Variants in MEIOB observed in about 807,000 individuals in gnomAD.
The protein encoded by MEIOB is meiosis-specific with OB domain-containing protein.
A neutral mutation model predicts 53.1 loss-of-function variants in MEIOB; 50 were observed. That is an observed-to-expected ratio of 0.94 (90% CI 0.75 to 1.19). MEIOB has a LOEUF of 1.19. Ranked by LOEUF, MEIOB falls within the 50% of genes most tolerant of loss-of-function variation. The pLI is 0.00. For synonymous variants in MEIOB, 192 were observed against 182.5 expected, an observed-to-expected ratio of 1.05 and a Z score of -0.42; for missense variants, 551 against 550.8, an observed-to-expected ratio of 1.00 and a Z score of 0.00.
In MEIOB at chr16:1,862,020, T is replaced by C; in HGVS notation, c.224A>G (p.Lys75Arg). ...AASWGNEDYI[K>R]SLSDSFRVGD... ...AACCCTAAAGCTGTCAGAAAGAGAC[T>C]TGATGTAATCTTCATTGCCCCAGGA... The change falls in exon 4 of 14, where the codon AAG becomes AGG. Residue 75 changes from lysine (K) to arginine (R), a missense_variant. Transcript: ENST00000325962. The C allele has an allele frequency of 1.3e-6, 2 of 1,551,256 alleles. No homozygotes were observed. Among genetic ancestry groups the C allele is most frequent in the Non-Finnish European group, 1.7e-6 (2 of 1,146,782 alleles).
chr16:1,856,434 C>T (rs1433292945), intron 6 of MEIOB, among the ~76,000 whole-genome samples: 1 of 151,998 alleles, frequency 6.6e-6, no homozygotes, highest in African/African-American at 2.4e-5. Flanking sequence ...ATTCTCCTGC[C>T]TCAGCCTCCT....
chr16:1,868,187 G>T lies in MEIOB; in HGVS notation c.-9-3C>A. On this transcript the variant is annotated splice_region_variant and splice_polypyrimidine_tract_variant and intron_variant, in intron 1 of 13. Transcript: ENST00000325962. ...AAGGAGTTTGCCATTTTTTTAATCT[G>T]CATTTTAGAAAATATAATTTAGATA... is the stretch of plus-strand genomic sequence containing the variant. 4 of 1,446,164 alleles carry T rather than the reference G, an allele frequency of 2.8e-6. No individual in the cohort carries two copies. The highest frequency in any genetic ancestry group is 3.8e-6 in the Non-Finnish European group (4 of 1,058,528). 89.6% of individuals were successfully genotyped at this position (1,446,164 alleles called of 1,614,324 possible).
At position 1,860,371 on chromosome 16, in the gene MEIOB, T is replaced by C. The variant is rs575713729; in HGVS notation, c.332+32A>G. 1.8e-5 allele frequency: 21 copies of C among 1,193,796 alleles called. No homozygotes were observed. In the East Asian group the frequency reaches 5.4e-4, roughly 30 times the overall value. The allele number at this position is 1,193,796 out of a possible 1,614,324, so 74.0% of individuals were successfully genotyped here. On this transcript the variant is annotated intron_variant, in intron 5 of 13. Transcript: ENST00000325962. ...ACAACATTATTAGTAATGATCATTC[T>C]CGCACAATCTCTGTGCTAGACAGAT...
At chr16:1,844,742 A>G in intron 10 of MEIOB, 120 bp downstream of exon 10, 1 of 570,082 alleles carries the variant, frequency 1.8e-6, no homozygotes, top group South Asian at 2.2e-5. Context: ...CTACCTTTAG[A>G]AAGTAGAAAT....
In MEIOB at chr16:1,853,019, G is replaced by T. The variant is rs968214667; in HGVS notation, c.778+20C>A. ...TTCAGTCATTTCCAAAGGGATAAAA[G>T]GTTTCACAAAGTTTTTTACCTGGAT... On this transcript the variant is annotated intron_variant, in intron 9 of 13. Coordinates refer to ENST00000325962, the MANE Select transcript of MEIOB (RefSeq NM_001163560.3). 1 of 1,454,782 alleles carries T rather than the reference G, an allele frequency of 6.9e-7. No individual in the cohort carries two copies. Among genetic ancestry groups the T allele is most frequent in the Non-Finnish European group, 9.6e-7 (1 of 1,037,124 alleles). 90.1% of individuals were successfully genotyped at this position (1,454,782 alleles called of 1,614,324 possible). A position where few individuals can be genotyped will look rare whatever the true frequency, so the allele number is the denominator to read the frequency against.
In MEIOB at chr16:1,841,763, T is replaced by C. The variant is rs150950681; in HGVS notation, c.1034+57A>G. 2.0e-5 allele frequency: 26 copies of C among 1,299,906 alleles called. No homozygotes were observed. In the African/African-American group the frequency reaches 3.5e-4, roughly 17 times the overall value. 80.5% of individuals were successfully genotyped at this position (1,299,906 alleles called of 1,614,324 possible). On this transcript the variant is annotated intron_variant, in intron 11 of 13. Transcript: ENST00000325962. ...TAACTTTTAGAGAGCTTAAAATTTA[T>C]TAACAATAATTATTTCTTACAAAAA...
chr16:1,844,752 T>G (rs1898989269), intron 10 of MEIOB, 110 bp downstream of exon 10: 1 of 594,120 alleles, frequency 1.7e-6, no homozygotes, highest in South Asian at 2.0e-5. Context: ...AAAGTAGAAA[T>G]ATAGTAGTTA....
At chr16:1,846,473 A>G (rs929383636) in intron 9 of MEIOB, among the ~76,000 whole-genome samples, 5 of 152,358 alleles carry the variant, frequency 3.3e-5, no homozygotes, top group African/African-American at 1.2e-4. Context: ...CTTAATTTCT[A>G]TAAGGCAGGT....
chr16:1,845,626 A>C (rs1439692916), intron 9 of MEIOB, among the ~76,000 whole-genome samples: 2 of 151,986 alleles, frequency 1.3e-5, no homozygotes, highest in Non-Finnish European at 2.9e-5. Context: ...TTCCTTGTTT[A>C]TGTTTCTATA....
In MEIOB at chr16:1,841,987, G is replaced by T; in HGVS notation, c.881-14C>A. 2.6e-6 allele frequency: 4 copies of T among 1,516,338 alleles called. No individual in the cohort carries two copies. Among genetic ancestry groups the T allele is most frequent in the Non-Finnish European group, 3.6e-6 (4 of 1,125,278 alleles). The allele number at this position is 1,516,338 out of a possible 1,614,324, so 93.9% of individuals were successfully genotyped here. On this transcript the variant is annotated splice_polypyrimidine_tract_variant and intron_variant, in intron 10 of 13. Transcript: ENST00000325962. The stretch of plus-strand genomic sequence containing the variant: ...CTATTGTACTTACTAAAAACAGAAA[G>T]AAGTATTACAGTTCTGTATATATTC...
chr16:1,852,350 C>T (rs1596974701), intron 9 of MEIOB, among the ~76,000 whole-genome samples: 1 of 147,660 alleles, frequency 6.8e-6, no homozygotes, highest in South Asian at 2.1e-4. Context: ...GCAACCTCCA[C>T]CTCCTGGGTT....
At chr16:1,866,065 T>G (rs1178214395) in intron 2 of MEIOB, among the ~76,000 whole-genome samples, 2 of 152,152 alleles carry the variant, frequency 1.3e-5, no homozygotes, top group African/African-American at 2.4e-5. Context: ...ATATAATCAT[T>G]TAATACTTAG....
rs1179877675 is a variant in MEIOB at position 1,862,042 on chromosome 16, A to C, written c.202T>G (p.Trp68Gly). Residue 68 changes from tryptophan (W) to glycine (G), a missense_variant, in exon 4 of 14, where the codon TGG becomes GGG. Physicochemically the swap from Trp to Gly is radical, Grantham distance 184. Coordinates refer to ENST00000325962, the MANE Select transcript of MEIOB (RefSeq NM_001163560.3). ...SPAHFVNAAS[W>G]GNEDYIKSLS... is the part of the protein sequence containing the mutation. ...GACTTGATGTAATCTTCATTGCCCC[A>C]GGAAGCTGCATTTACAAAATGTGCT... The C allele has an allele frequency of 1.9e-6, 3 of 1,551,462 alleles. No homozygotes were observed. The highest frequency in any genetic ancestry group is 2.6e-6 in the Non-Finnish European group (3 of 1,146,806).
At chr16:1,868,235 A>T in intron 1 of MEIOB, 51 bp from the exon 2 acceptor site, 1 of 1,003,560 alleles carries the variant, frequency 1.0e-6, no homozygotes, top group Non-Finnish European at 1.5e-6. Context: ...AAATGAAATA[A>T]ATCATTTAAA....
intron 6 of MEIOB, among the ~76,000 whole-genome samples, chr16:1,854,518 G>C (rs966574018): frequency 1.3e-5 from 2 of 152,182 alleles, no homozygotes; most frequent in Non-Finnish European, 2.9e-5. Context: ...GACTCCTCGA[G>C]GGCAGGGACT....
chr16:1,838,776 C>T (rs1422021626), intron 12 of MEIOB, among the ~76,000 whole-genome samples: 2 of 152,118 alleles, frequency 1.3e-5, no homozygotes, highest in Admixed American at 1.3e-4. Flanking sequence ...ACTGCAACTT[C>T]CACATCCTGG....
Position 1,857,946 on chromosome 16 carries a change from A to T in MEIOB, c.333-16T>A. ...TTTACAGTTGCTAAATTGCAAAAACACAAGAAAGTTATTTGAAAGTGATCT... is the reference window on the plus strand; with the variant it reads ...TTTACAGTTGCTAAATTGCAAAAACTCAAGAAAGTTATTTGAAAGTGATCT... On this transcript the variant is annotated splice_polypyrimidine_tract_variant and intron_variant, in intron 5 of 13. Transcript: ENST00000325962. The T allele has an allele frequency of 6.8e-7, 1 of 1,466,018 alleles. No individual in the cohort carries two copies. Among genetic ancestry groups the T allele is most frequent in the South Asian group, 1.3e-5 (1 of 76,930 alleles). 90.8% of individuals were successfully genotyped at this position (1,466,018 alleles called of 1,614,324 possible).
intron 1 of MEIOB, among the ~76,000 whole-genome samples, chr16:1,870,207 A>G (rs1899705563): frequency 6.6e-6 from 1 of 152,198 alleles, no homozygotes; most frequent in South Asian, 2.1e-4. Flanking sequence ...ACCTCTACAT[A>G]GTAAAACTAC....
At position 1,853,732 on chromosome 16, in the gene MEIOB, G is replaced by C. The variant is rs147668575; in HGVS notation, c.629+368C>G. On this transcript the variant is annotated intron_variant, in intron 7 of 13. Coordinates refer to ENST00000325962, the MANE Select transcript of MEIOB (RefSeq NM_001163560.3). ...GTACCTGGCAGTGCTTCAGGGTGCA[G>C]TCCCCACCCTGGCCCACGTGCCCCT... Among the ~76,000 whole-genome samples the C allele has an allele frequency of 2.9e-3, 439 of 152,286 alleles. 2 individuals are homozygous for C. Among genetic ancestry groups the C allele is most frequent in the Middle Eastern group, 0.017 (5 of 294 alleles).
Sources: gnomAD v4.1 joint callset for allele counts (sites outside exome capture counted in the v4.1 genomes callset) on GRCh38, gnomAD v4.1.1 for gene constraint, MANE v1.5 for transcripts, NCBI Gene and HGNC (gene_info 2026-07-23, HGNC 2026-07-21) for gene names.